CFAP99: variants seen among roughly 807,000 people sequenced by gnomAD.
The protein encoded by CFAP99 is cilia and flagella associated protein 99.
CFAP99 carries 84 observed loss-of-function variants against 82.7 expected under a neutral mutation model. The ratio of observed to expected loss-of-function variants is 1.02; its 90% confidence interval spans 0.85 to 1.22. The LOEUF is 1.22. Ranked by LOEUF, CFAP99 falls within the 50% of genes most tolerant of loss-of-function variation. The pLI is 0.00. For synonymous variants in CFAP99, 456 were observed against 429.5 expected (o/e 1.06, Z -0.76); for missense variants, 1,059 against 983.5 (o/e 1.08, Z -1.03).
intron 1 of CFAP99, among the ~76,000 whole-genome samples, chr4:2,421,427 T>G (rs575014148): frequency 7.4e-6 from 1 of 135,158 alleles, no homozygotes; most frequent in African/African-American, 2.7e-5. Flanking sequence ...CGATCTCAGC[T>G]CACTGCGACC....
intron 14 of CFAP99, 66 bp downstream of exon 14, chr4:2,460,308 A>C: frequency 5.6e-6 from 8 of 1,436,396 alleles, no homozygotes; most frequent in Non-Finnish European, 7.6e-6. Context: ...CCTGCCTTGC[A>C]CCCTCCTGGG....
At chr4:2,442,104 G>C (rs1247659022) in intron 4 of CFAP99, among the ~76,000 whole-genome samples, 1 of 152,202 alleles carries the variant, frequency 6.6e-6, no homozygotes, top group African/African-American at 2.4e-5. Context: ...ATACAGGGCT[G>C]TGTCCTGGTG....
intron 11 of CFAP99, among the ~76,000 whole-genome samples, chr4:2,456,234 T>C (rs929736435): frequency 6.6e-6 from 1 of 152,190 alleles, no homozygotes; most frequent in Non-Finnish European, 1.5e-5. Flanking sequence ...GGTTTTGCCA[T>C]GTTGGCCAGG....
Position 2,459,109 on chromosome 4 carries a change from C to A in CFAP99, c.1306C>A (p.Gln436Lys), listed in dbSNP as rs1246844891. ...CAGCTCCTGGCTTGGCCCCCAAGTT[C>A]AGGAGGCGATCGAGGAGAGCAGGGG... The change falls in exon 13 of 15, where the codon CAG (glutamine) becomes AAG (lysine). Residue 436 changes from glutamine (Q) to lysine (K), a missense_variant and splice_region_variant. Physicochemically the swap from Gln to Lys is moderately conservative, Grantham distance 53. Transcript: ENST00000635017. The A allele has an allele frequency of 2.6e-6, 4 of 1,513,668 alleles. No homozygotes were observed. In the South Asian group the frequency reaches 4.9e-5, roughly 18 times the overall value. 93.8% of individuals were successfully genotyped at this position (1,513,668 alleles called of 1,614,324 possible).
chr4:2,436,086 A>G (rs2108718424), intron 2 of CFAP99, among the ~76,000 whole-genome samples: 1 of 149,970 alleles, frequency 6.7e-6, no homozygotes, highest in African/African-American at 2.5e-5. Flanking sequence ...AACTTCAAAA[A>G]AAAAAAAAAT....
In CFAP99 at chr4:2,448,089, G is replaced by A. The variant is rs1302648284; in HGVS notation, c.643-1581G>A. ...GATAGACAAATGGATGGATGGGTGG[G>A]TGAGTGGGTGGATGATCAGATGGAT... is the stretch of plus-strand genomic sequence containing the variant. On this transcript the variant is annotated intron_variant, in intron 6 of 14. Transcript: ENST00000635017. This position sits in a 1 kb window ranked among gnomAD's most constrained non-coding sequence, Gnocchi z 5.2. Among the ~76,000 whole-genome samples, 1 of 151,994 alleles carries A rather than the reference G, an allele frequency of 6.6e-6. No homozygotes were observed. Among genetic ancestry groups the A allele is most frequent in the Non-Finnish European group, 1.5e-5 (1 of 67,968 alleles).
At chr4:2,429,935 G>T (rs536980419) in intron 2 of CFAP99, among the ~76,000 whole-genome samples, 1 of 150,690 alleles carries the variant, frequency 6.6e-6, no homozygotes, top group Non-Finnish European at 1.5e-5. Flanking sequence ...GAGAGGAATG[G>T]TGCATTGGAT....
intron 11 of CFAP99, among the ~76,000 whole-genome samples, chr4:2,458,278 C>G (rs975307994): frequency 6.6e-6 from 1 of 152,176 alleles, no homozygotes; most frequent in African/African-American, 2.4e-5. Context: ...TTTAAAGAAA[C>G]TTTTAAAGTA....
intron 11 of CFAP99, among the ~76,000 whole-genome samples, chr4:2,456,050 G>A (rs1043810153): frequency 6.6e-6 from 1 of 152,146 alleles, no homozygotes; most frequent in Non-Finnish European, 1.5e-5. Flanking sequence ...GAGGAGAGAT[G>A]TTTGGGGTCT....
intron 2 of CFAP99, among the ~76,000 whole-genome samples, chr4:2,432,745 G>A (rs932675767): frequency 6.6e-6 from 1 of 152,220 alleles, no homozygotes; most frequent in Non-Finnish European, 1.5e-5. Flanking sequence ...GGGGACTGAG[G>A]AGCCCTGAGC....
rs1433688417 is a variant in CFAP99, at chr4:2,462,358, C to A, written c.1662-85C>A. 7 of 1,300,036 alleles carry A rather than the reference C, an allele frequency of 5.4e-6. No individual in the cohort carries two copies. Among genetic ancestry groups the A allele is most frequent in the Non-Finnish European group, 6.9e-6 (7 of 1,010,976 alleles). The allele number at this position is 1,300,036 out of a possible 1,614,324, so 80.5% of individuals were successfully genotyped here. A position where few individuals can be genotyped will look rare whatever the true frequency, so the allele number is the denominator to read the frequency against. The stretch of plus-strand genomic sequence containing the variant: ...CTCCGGCTGCGTAGCTCCTTGCCCC[C>A]GCGTCGCTTGGACACGGGTGGCATC... On this transcript the variant is annotated intron_variant, in intron 14 of 14. Transcript: ENST00000635017. The surrounding 1 kb of genome is among the most constrained non-coding windows in gnomAD (Gnocchi z 4.1).
At chr4:2,429,766 T>C (rs1459545039) in intron 2 of CFAP99, among the ~76,000 whole-genome samples, 1 of 152,168 alleles carries the variant, frequency 6.6e-6, no homozygotes, top group Non-Finnish European at 1.5e-5. Flanking sequence ...TAATTTTTTG[T>C]ATTTTTAGTA....
intron 11 of CFAP99, among the ~76,000 whole-genome samples, chr4:2,454,581 C>CTTTTTTTTTTGTTTTTTTTTTTT (rs1734378400): frequency 1.1e-5 from 1 of 94,722 alleles, no homozygotes; most frequent in Non-Finnish European, 2.1e-5. Flanking sequence ...TGTTTTTTTT[C>CTTTTTTTTTTGTTTTTTTTTTTT]TTTTTTTTTT....
At chr4:2,438,710 C>T (rs1733973898) in intron 4 of CFAP99, among the ~76,000 whole-genome samples, 1 of 152,110 alleles carries the variant, frequency 6.6e-6, no homozygotes, top group Non-Finnish European at 1.5e-5. Flanking sequence ...TTTGAGGCTG[C>T]AGTGAGCAGT....
chr4:2,419,610 C>G (rs1407827294), intron 1 of CFAP99, among the ~76,000 whole-genome samples: 1 of 152,182 alleles, frequency 6.6e-6, no homozygotes, highest in Non-Finnish European at 1.5e-5. Flanking sequence ...TCATGCCCCC[C>G]TCGGTTCAGA....
Position 2,462,422 on chromosome 4 carries a change from G to C in CFAP99, c.1662-21G>C. On this transcript the variant is annotated intron_variant, in intron 14 of 14. Transcript: ENST00000635017. The surrounding 1 kb of genome is among the most constrained non-coding windows in gnomAD (Gnocchi z 4.1). ...GGGCCTCCCGCCGGCCTGCTCCTGA[G>C]CCCGCCGCGTCGCCCGCCAGGTGGG... is the stretch of plus-strand genomic sequence containing the variant. 1 of 1,412,208 alleles carries C rather than the reference G, an allele frequency of 7.1e-7. No individual in the cohort carries two copies. Among genetic ancestry groups the C allele is most frequent in the Non-Finnish European group, 9.1e-7 (1 of 1,096,458 alleles). 87.5% of individuals were successfully genotyped at this position (1,412,208 alleles called of 1,614,324 possible).
At chr4:2,461,276 G>A (rs746275209) in intron 14 of CFAP99, among the ~76,000 whole-genome samples, 11 of 152,284 alleles carry the variant, frequency 7.2e-5, no homozygotes, top group Non-Finnish European at 1.0e-4. Flanking sequence ...CTAGTTCCCA[G>A]GGAGGCCCAG....
intron 4 of CFAP99, among the ~76,000 whole-genome samples, chr4:2,440,826 C>A (rs1734020295): frequency 6.6e-6 from 1 of 151,816 alleles, no homozygotes; most frequent in Admixed American, 6.6e-5. Context: ...GATCTCCTGA[C>A]CTTGTGATCC....
rs1180871042 is a variant in CFAP99 at position 2,423,049 on chromosome 4, C to T, written c.-17-3410C>T. Among the ~76,000 whole-genome samples the T allele has an allele frequency of 3.9e-5, 6 of 152,172 alleles. No homozygotes were observed. In the East Asian group the frequency reaches 7.7e-4, roughly 20 times the overall value. On this transcript the variant is annotated intron_variant, in intron 1 of 14. Transcript: ENST00000635017. The stretch of plus-strand genomic sequence containing the variant: ...AACGTCTCAGTGTGGCTGACCCTGG[C>T]GAAGATGGGGAGTGGGATTTGTGAG...
Sources: allele counts gnomAD v4.1 joint callset (sites outside exome capture counted in the v4.1 genomes callset), GRCh38; gene constraint gnomAD v4.1.1; non-coding constraint Gnocchi (gnomAD v3.1); transcripts MANE v1.5; gene names NCBI Gene and HGNC (gene_info 2026-07-23, HGNC 2026-07-21).